KLF12: variants seen among roughly 807,000 people sequenced by gnomAD.
KLF12 encodes the protein Krueppel-like factor 12.
A neutral mutation model predicts 37.8 loss-of-function variants in KLF12; 9 were observed. That is an observed-to-expected ratio of 0.24 (90% confidence interval 0.14 to 0.42). The LOEUF is 0.42. Ranked by LOEUF, KLF12 falls within the 10% of genes least tolerant of loss-of-function variation. KLF12 has a pLI of 1.00. For synonymous variants in KLF12, 208 were observed against 202.1 expected (o/e 1.03, Z -0.25); for missense variants, 411 against 516.0 (o/e 0.80, Z 1.97).
At chr13:74,241,933 C>T in the KLF12 span, among the ~76,000 whole-genome samples, 5 of 152,148 alleles carry the variant, frequency 3.3e-5, no homozygotes, top group East Asian at 1.9e-4. Flanking sequence ...AGCTGTAGAC[C>T]GGAGCTGTTC....
intron 2 of KLF12, among the ~76,000 whole-genome samples, chr13:73,956,646 C>G (rs1241504837): frequency 6.6e-6 from 1 of 152,158 alleles, no homozygotes. Flanking sequence ...TTTGTCCAGG[C>G]ATGCTGGGTC....
the KLF12 span, among the ~76,000 whole-genome samples, chr13:74,234,788 T>G: frequency 6.6e-6 from 1 of 152,188 alleles, no homozygotes; most frequent in Non-Finnish European, 1.5e-5. Flanking sequence ...AAATCTCTTT[T>G]GCCTGCTGAA....
chr13:73,823,493 C>T (rs1361947029), intron 4 of KLF12, among the ~76,000 whole-genome samples: 1 of 152,148 alleles, frequency 6.6e-6, no homozygotes, highest in African/African-American at 2.4e-5. Flanking sequence ...TTAGTATGCT[C>T]TCCGTGCCTC....
the KLF12 span, among the ~76,000 whole-genome samples, chr13:74,151,415 C>T: frequency 2.0e-5 from 3 of 152,110 alleles, no homozygotes. Flanking sequence ...CTTAGGGAGC[C>T]CGAGGTGGGC....
At chr13:74,295,724 A>C in the KLF12 span, among the ~76,000 whole-genome samples, 1 of 152,202 alleles carries the variant, frequency 6.6e-6, no homozygotes, top group Non-Finnish European at 1.5e-5. Context: ...TCTAGAAATG[A>C]TATATAGAGA....
At chr13:73,774,281 TATAC>T (rs922800788) in intron 5 of KLF12, among the ~76,000 whole-genome samples, 29 of 122,022 alleles carry the variant, frequency 2.4e-4, no homozygotes, top group African/African-American at 8.7e-4. Flanking sequence ...ACTATATATA[TATAC>T]ACACACACAC....
intron 4 of KLF12, among the ~76,000 whole-genome samples, chr13:73,841,088 C>T (rs1027166088): frequency 6.6e-6 from 1 of 152,172 alleles, no homozygotes; most frequent in East Asian, 1.9e-4. Flanking sequence ...GCATCTGATA[C>T]ACATGAACTG....
upstream of KLF12, among the ~76,000 whole-genome samples, chr13:74,137,339 A>G (rs1878591382): frequency 1.3e-5 from 2 of 152,250 alleles, no homozygotes; most frequent in South Asian, 4.1e-4. Context: ...TGTCGAATCC[A>G]ATACTATGTG....
the KLF12 span, among the ~76,000 whole-genome samples, chr13:74,262,524 C>G: frequency 3.6e-4 from 55 of 152,220 alleles, no homozygotes; most frequent in Non-Finnish European, 6.9e-4. Flanking sequence ...TATGCCCATC[C>G]TGTTGTATAC....
At chr13:74,248,652 C>T in the KLF12 span, among the ~76,000 whole-genome samples, 8 of 152,176 alleles carry the variant, frequency 5.3e-5, no homozygotes, top group South Asian at 2.1e-4. Context: ...CATAAAAGTG[C>T]CCATCATTAA....
chr13:73,978,451 A>C (rs967093225), intron 2 of KLF12, among the ~76,000 whole-genome samples: 1 of 152,228 alleles, frequency 6.6e-6, no homozygotes, highest in Non-Finnish European at 1.5e-5. Context: ...GAACACTGAC[A>C]ACTCCAAATG....
intron 2 of KLF12, among the ~76,000 whole-genome samples, chr13:73,965,652 A>G (rs1203996363): frequency 6.6e-6 from 1 of 152,120 alleles, no homozygotes; most frequent in Non-Finnish European, 1.5e-5. Context: ...GACAACATTC[A>G]CGCACATAAC....
At chr13:74,060,090 G>C (rs1337966227) in intron 1 of KLF12, among the ~76,000 whole-genome samples, 4 of 151,866 alleles carry the variant, frequency 2.6e-5, no homozygotes, top group African/African-American at 9.7e-5. Context: ...TTGATTTCTG[G>C]GTTCTCTATT....
chr13:74,243,584 A>T, the KLF12 span, among the ~76,000 whole-genome samples: 6 of 152,172 alleles, frequency 3.9e-5, no homozygotes, highest in African/African-American at 1.4e-4. Context: ...GTGTAAAAGC[A>T]TTGCTACTTC....
chr13:74,200,443 A>G, the KLF12 span, among the ~76,000 whole-genome samples: 3 of 152,234 alleles, frequency 2.0e-5, no homozygotes, highest in East Asian at 3.9e-4. Context: ...ATTATGTGTC[A>G]TGGAAGGGTT....
chr13:73,821,206 C>T (rs1001993086), intron 4 of KLF12, among the ~76,000 whole-genome samples: 11 of 151,668 alleles, frequency 7.3e-5, no homozygotes, highest in Admixed American at 2.0e-4. Flanking sequence ...GTTTCGCTAC[C>T]TATTCTTTTC....
chr13:73,872,756 A>G (rs1417513661), intron 3 of KLF12, among the ~76,000 whole-genome samples: 1 of 152,186 alleles, frequency 6.6e-6, no homozygotes, highest in Non-Finnish European at 1.5e-5. Context: ...CTTAGCTAAG[A>G]CAGGCTCATA....
chr13:73,856,741 C>T (rs990771685), intron 3 of KLF12, among the ~76,000 whole-genome samples: 1 of 152,160 alleles, frequency 6.6e-6, no homozygotes, highest in African/African-American at 2.4e-5. Flanking sequence ...GTAATCCCAA[C>T]AATTTGGGAG....
chr13:74,134,144 A>G (rs1593928611), upstream of KLF12, among the ~76,000 whole-genome samples: 1 of 138,742 alleles, frequency 7.2e-6, no homozygotes, highest in East Asian at 2.6e-4. Context: ...CAGCTCAGGA[A>G]ACCGGAGAGG....
Sources: gnomAD v4.1 joint callset for allele counts (sites outside exome capture counted in the v4.1 genomes callset) on GRCh38, gnomAD v4.1.1 for gene constraint, MANE v1.5 for transcripts, NCBI Gene and HGNC (gene_info 2026-07-23, HGNC 2026-07-21) for gene names.